Variants in PPP1R12A observed in about 807,000 individuals in gnomAD.
The protein encoded by PPP1R12A is myosin binding subunit.
PPP1R12A carries 19 observed loss-of-function variants against 139.6 expected under a neutral mutation model. That is an observed-to-expected ratio of 0.14 (90% CI 0.09 to 0.20). The LOEUF (loss-of-function observed/expected upper bound fraction) is 0.20, where lower values mean the gene tolerates loss of function less well. Among genes scored for constraint, PPP1R12A ranks in the 10% least tolerant of loss-of-function variants. The pLI is 1.00. For missense variants in PPP1R12A, 925 were observed against 1,211.5 expected (o/e 0.76, Z 3.51); for synonymous variants, 427 against 420.6 (o/e 1.02, Z -0.19).
At chr12:79,935,336 C>T, upstream of PPP1R12A, 1 of 1,021,202 alleles carries the variant, frequency 9.8e-7, no homozygotes, top group Non-Finnish European at 1.2e-6. Flanking sequence ...GCCCAGGCAG[C>T]GGGGGCTGGG....
chr12:79,928,950 T>G (rs1888049288), intron 1 of PPP1R12A, among the ~76,000 whole-genome samples: 1 of 152,224 alleles, frequency 6.6e-6, no homozygotes, highest in Non-Finnish European at 1.5e-5. Context: ...AAAAACTATT[T>G]TAAAATTCTA....
chr12:79,818,614 GAACA>G (rs1390352544), intron 8 of PPP1R12A, among the ~76,000 whole-genome samples: 2 of 151,968 alleles, frequency 1.3e-5, no homozygotes, highest in Non-Finnish European at 2.9e-5. Flanking sequence ...TTTCAACAAA[GAACA>G]AAAAAGTCCT....
rs1022157392 is a variant in PPP1R12A, at chr12:79,896,018, G to A, written c.238-23080C>T. Among the ~76,000 whole-genome samples, 47 of 140,278 alleles carry A rather than the reference G, an allele frequency of 3.4e-4. 1 individual carries two copies. Among genetic ancestry groups the A allele is most frequent in the Admixed American group, 8.0e-4 (10 of 12,462 alleles). The allele number at this position is 140,278 out of a possible 152,430, so 92.0% of individuals were successfully genotyped here. Reference sequence around the variant, plus strand: ...GTTAAAACAATTTTTTTTTTTAAAAGAGGAGTAGTATATCAAATAGAGAAC... The same window carrying A: ...GTTAAAACAATTTTTTTTTTTAAAAAAGGAGTAGTATATCAAATAGAGAAC... On this transcript the variant is annotated intron_variant, in intron 1 of 24. Coordinates refer to ENST00000450142, the MANE Select transcript of PPP1R12A (RefSeq NM_002480.3).
At chr12:79,777,913 A>G (rs928285917) in intron 24 of PPP1R12A, among the ~76,000 whole-genome samples, 9 of 152,176 alleles carry the variant, frequency 5.9e-5, no homozygotes, top group African/African-American at 2.2e-4. Flanking sequence ...TAATAATGAA[A>G]TATCTAAATC....
chr12:79,851,503 G>A (rs1880036635), intron 2 of PPP1R12A, among the ~76,000 whole-genome samples: 1 of 152,132 alleles, frequency 6.6e-6, no homozygotes, highest in African/African-American at 2.4e-5. Context: ...TGAGAAATCT[G>A]CTGTCATTCA....
At chr12:79,794,932 GGATACTAGCTGACTTTGAAAATGAGGAT>G (rs1872336789) in intron 18 of PPP1R12A, among the ~76,000 whole-genome samples, 2 of 151,972 alleles carry the variant, frequency 1.3e-5, no homozygotes, top group Non-Finnish European at 1.5e-5. Context: ...TTAGAAATCA[GGATACTAGCTGACTTTGAAAATGAGGAT>G]GATAGGGATT....
At chr12:79,850,600 C>A (rs984233707) in intron 2 of PPP1R12A, among the ~76,000 whole-genome samples, 6 of 152,038 alleles carry the variant, frequency 3.9e-5, no homozygotes, top group Non-Finnish European at 5.9e-5. Context: ...ATTTAGTGTC[C>A]AAATTTAATG....
chr12:79,888,163 C>G (rs1884273642), intron 1 of PPP1R12A, among the ~76,000 whole-genome samples: 1 of 152,074 alleles, frequency 6.6e-6, no homozygotes, highest in Non-Finnish European at 1.5e-5. Context: ...TGAATTCACA[C>G]AGCTTAGAGT....
intron 20 of PPP1R12A, among the ~76,000 whole-genome samples, chr12:79,789,243 A>C (rs1484962279): frequency 6.6e-6 from 1 of 152,066 alleles, no homozygotes; most frequent in Non-Finnish European, 1.5e-5. Flanking sequence ...CTATTTTTTT[A>C]ATACTACTAA....
chr12:79,923,954 G>A (rs956075937), intron 1 of PPP1R12A, among the ~76,000 whole-genome samples: 2 of 152,160 alleles, frequency 1.3e-5, no homozygotes, highest in Non-Finnish European at 2.9e-5. Flanking sequence ...TGAGGCAGGA[G>A]AATCACTTGA....
intron 5 of PPP1R12A, chr12:79,824,012 A>C (rs1446603011): frequency 6.6e-6 from 1 of 152,244 alleles, no homozygotes; most frequent in Admixed American, 6.5e-5. Flanking sequence ...AAGTCTTACC[A>C]GTAGGAATTT....
intron 2 of PPP1R12A, among the ~76,000 whole-genome samples, chr12:79,846,789 G>C (rs1879465767): frequency 6.6e-6 from 1 of 151,980 alleles, no homozygotes; most frequent in Non-Finnish European, 1.5e-5. Flanking sequence ...TAGGAGAAAA[G>C]ATAATGTACA....
intron 2 of PPP1R12A, among the ~76,000 whole-genome samples, chr12:79,860,869 G>A (rs1881235570): frequency 6.6e-6 from 1 of 152,120 alleles, no homozygotes; most frequent in African/African-American, 2.4e-5. Context: ...TGGTGGTGGT[G>A]GTGGTGGCGG....
chr12:79,828,177 G>C (rs1292111898), intron 5 of PPP1R12A, 143 bp downstream of exon 5: 4 of 685,288 alleles, frequency 5.8e-6, no homozygotes, highest in Admixed American at 3.9e-5. Flanking sequence ...AAGTCAGTTG[G>C]CTGAAAAAAT....
chr12:79,826,340 T>TG, intron 5 of PPP1R12A, among the ~76,000 whole-genome samples: 1 of 143,888 alleles, frequency 6.9e-6, no homozygotes, highest in Non-Finnish European at 1.5e-5. Context: ...GTTTCGGGTT[T>TG]TTTTTTTTTT....
At chr12:79,823,691 C>T (rs1291783848) in intron 5 of PPP1R12A, 1 of 151,486 alleles carries the variant, frequency 6.6e-6, no homozygotes, top group East Asian at 1.9e-4. Context: ...CCTCCTGGGA[C>T]TCAGGTGATC....
At chr12:79,779,675 C>A in intron 23 of PPP1R12A, 1 of 265,474 alleles carries the variant, frequency 3.8e-6, no homozygotes, top group Non-Finnish European at 7.7e-6. Context: ...AATACTAGCA[C>A]ATAAAGTGTC....
At chr12:79,791,885 G>T (rs1374157096) in intron 19 of PPP1R12A, among the ~76,000 whole-genome samples, 1 of 151,994 alleles carries the variant, frequency 6.6e-6, no homozygotes, top group Non-Finnish European at 1.5e-5. Flanking sequence ...AAAATAAGTG[G>T]AATCACACAG....
chr12:79,820,663 T>C (rs532269407), intron 8 of PPP1R12A, 111 bp downstream of exon 8: 2 of 1,023,328 alleles, frequency 2.0e-6, no homozygotes, highest in Non-Finnish European at 2.9e-6. Context: ...GTGTGGCAGG[T>C]ATCTAAACAA....
Sources: gnomAD v4.1 joint callset for allele counts (sites outside exome capture counted in the v4.1 genomes callset) on GRCh38, gnomAD v4.1.1 for gene constraint, MANE v1.5 for transcripts, NCBI Gene and HGNC (gene_info 2026-07-23, HGNC 2026-07-21) for gene names.